KCNMA1: variants seen among roughly 807,000 people sequenced by gnomAD.
The protein encoded by KCNMA1 is Calcium-activated potassium channel subunit alpha-1.
KCNMA1 carries 29 observed loss-of-function variants against 140.0 expected under a neutral mutation model. The observed-to-expected ratio is 0.21, with a 90% CI of 0.15 to 0.28. KCNMA1 has a LOEUF of 0.28. Ranked by LOEUF, KCNMA1 falls within the 10% of genes least tolerant of loss-of-function variation. The probability of loss-of-function intolerance (pLI) is 1.00; values close to 1 mark genes in which losing one functional copy is unlikely to be tolerated. For synonymous variants in KCNMA1, 612 were observed against 611.9 expected, an observed-to-expected ratio of 1.00 and a Z score of 0.00; for missense variants, 880 against 1,602.2, an observed-to-expected ratio of 0.55 and a Z score of 7.70.
At chr10:77,003,466 C>T (rs1158724803) in intron 18 of KCNMA1, among the ~76,000 whole-genome samples, 1 of 152,218 alleles carries the variant, frequency 6.6e-6, no homozygotes, top group Non-Finnish European at 1.5e-5. Context: ...ATAAATTTAT[C>T]TTAAATGCAT....
rs1203976371 is a variant in KCNMA1, at chr10:77,067,759, G to A, written c.1749+5338C>T. Among the ~76,000 whole-genome samples, 4 of 152,298 alleles carry A rather than the reference G, an allele frequency of 2.6e-5. No homozygotes were observed. The East Asian group carries it at 7.7e-4, about 29-fold the overall frequency. On this transcript the variant is annotated intron_variant, in intron 14 of 27. Transcript: ENST00000286628. ...GTGGCCTCTGCTTTTGCAGAGCTGG[G>A]CAGACAGAAAGGTAAAGAAGATGCA... is the stretch of plus-strand genomic sequence containing the variant.
At chr10:77,532,817 G>GA (rs1048207706) in intron 1 of KCNMA1, among the ~76,000 whole-genome samples, 1 of 152,114 alleles carries the variant, frequency 6.6e-6, no homozygotes, top group Non-Finnish European at 1.5e-5. Context: ...GAATGCAAGT[G>GA]AAAAAATCCA....
intron 2 of KCNMA1, among the ~76,000 whole-genome samples, chr10:77,387,607 C>CTTTTCT (rs1555271431): frequency 2.7e-4 from 31 of 114,258 alleles, no homozygotes; most frequent in African/African-American, 1.1e-3. Flanking sequence ...CTTTTCTTTT[C>CTTTTCT]TTTCTTTTCT....
intron 23 of KCNMA1, among the ~76,000 whole-genome samples, chr10:76,933,202 C>G (rs1907732): frequency 0.059 from 8,963 of 152,184 alleles, 514 homozygotes; most frequent in African/African-American, 0.14. Context: ...GCTGCTTTAT[C>G]TCATTTGAGG....
At chr10:77,048,563 A>C (rs1224715707) in intron 14 of KCNMA1, among the ~76,000 whole-genome samples, 1 of 152,212 alleles carries the variant, frequency 6.6e-6, no homozygotes, top group Non-Finnish European at 1.5e-5. Flanking sequence ...TTTTACCTGA[A>C]TCTCCACTGC....
chr10:76,910,814 T>A (rs1337093325), intron 24 of KCNMA1: 1 of 155,632 alleles, frequency 6.4e-6, no homozygotes, highest in Non-Finnish European at 1.4e-5. Flanking sequence ...ATCTTTTATA[T>A]GCTTGCATTC....
At chr10:77,395,265 G>A (rs993760113) in intron 2 of KCNMA1, among the ~76,000 whole-genome samples, 9 of 152,034 alleles carry the variant, frequency 5.9e-5, no homozygotes, top group South Asian at 2.1e-4. Flanking sequence ...CAGAAGGATC[G>A]CTTGAACCCA....
chr10:77,441,687 C>T (rs1195968377), intron 1 of KCNMA1, among the ~76,000 whole-genome samples: 1 of 152,170 alleles, frequency 6.6e-6, no homozygotes, highest in East Asian at 1.9e-4. Flanking sequence ...CAAACTCTCT[C>T]CCCTCTCTTC....
At chr10:77,360,544 G>T (rs985476537) in intron 2 of KCNMA1, among the ~76,000 whole-genome samples, 2 of 152,168 alleles carry the variant, frequency 1.3e-5, no homozygotes, top group Non-Finnish European at 2.9e-5. Context: ...TGTACCAGGA[G>T]AGCACTCCCT....
In KCNMA1 at chr10:77,380,330, G is replaced by A. The variant is rs149723046; in HGVS notation, c.540+23532C>T. Among the ~76,000 whole-genome samples, 186 of 152,226 alleles carry A rather than the reference G, an allele frequency of 1.2e-3. 1 individual carries two copies. In the South Asian group the frequency reaches 0.019, roughly 15 times the overall value. On this transcript the variant is annotated intron_variant, in intron 2 of 27. Transcript: ENST00000286628. ...CAGCTCAAGGGGCCTCCCTCCGCAT[G>A]AGTCGTCTTTAGGAAGCCCAGCCTG...
chr10:77,208,490 TA>T (rs1412120646), intron 3 of KCNMA1, among the ~76,000 whole-genome samples: 1 of 151,950 alleles, frequency 6.6e-6, no homozygotes, highest in Non-Finnish European at 1.5e-5. Context: ...TCTCTAAAAA[TA>T]AATAATAAGT....
At chr10:77,192,168 C>A (rs913429250) in intron 3 of KCNMA1, among the ~76,000 whole-genome samples, 1 of 152,114 alleles carries the variant, frequency 6.6e-6, no homozygotes, top group Non-Finnish European at 1.5e-5. Flanking sequence ...GTAAAACATT[C>A]TTCTAGGAGA....
At chr10:77,342,882 T>C (rs1039285161) in intron 2 of KCNMA1, among the ~76,000 whole-genome samples, 2 of 152,098 alleles carry the variant, frequency 1.3e-5, no homozygotes, top group African/African-American at 2.4e-5. Context: ...CCAGCACACA[T>C]TGGTTTTTAA....
At chr10:76,871,615 C>T (rs764035020) in exon 28 of KCNMA1, 3 of 152,170 alleles carry the variant, frequency 2.0e-5, no homozygotes, top group Non-Finnish European at 4.4e-5. Context: ...ATAGTCTTAC[C>T]ATCGTGAGGA....
intron 22 of KCNMA1, 142 bp from the exon 23 acceptor site, chr10:76,945,107 A>G (rs1047554383): frequency 7.8e-6 from 6 of 765,416 alleles, no homozygotes; most frequent in Non-Finnish European, 1.1e-5. Context: ...TTATTTAACA[A>G]GTATCTTTTT....
chr10:77,336,519 T>C (rs1052521425), intron 2 of KCNMA1, among the ~76,000 whole-genome samples: 1 of 151,824 alleles, frequency 6.6e-6, no homozygotes, highest in Non-Finnish European at 1.5e-5. Flanking sequence ...TGCCTGACAG[T>C]ATTTAAATTG....
chr10:77,369,748 C>T (rs2154410730), intron 2 of KCNMA1, among the ~76,000 whole-genome samples: 1 of 152,284 alleles, frequency 6.6e-6, no homozygotes, highest in Admixed American at 6.5e-5. Flanking sequence ...CTACAAGTTA[C>T]TGAGGCAGGA....
chr10:77,186,776 AATGTGT>A (rs1339723698), intron 3 of KCNMA1, among the ~76,000 whole-genome samples: 11 of 89,952 alleles, frequency 1.2e-4, no homozygotes, highest in African/African-American at 4.7e-4. Flanking sequence ...CTAAAGAGTA[AATGTGT>A]GTGTGTGTGT....
intron 3 of KCNMA1, among the ~76,000 whole-genome samples, chr10:77,248,479 G>GGTGTAAAA (rs1318037670): frequency 6.6e-6 from 1 of 152,104 alleles, no homozygotes; most frequent in East Asian, 1.9e-4. Flanking sequence ...TTATTTGAAG[G>GGTGTAAAA]GTGTAAATAC....
Sources: allele counts gnomAD v4.1 joint callset (sites outside exome capture counted in the v4.1 genomes callset), GRCh38; gene constraint gnomAD v4.1.1; transcripts MANE v1.5; gene names NCBI Gene and HGNC (gene_info 2026-07-23, HGNC 2026-07-21).